Variants in SAMD12 observed in about 807,000 individuals in gnomAD.
The protein encoded by SAMD12 is sterile alpha motif domain-containing protein 12.
SAMD12 carries 9 observed loss-of-function variants against 15.0 expected under a neutral mutation model. That is an observed-to-expected ratio of 0.60 (90% CI 0.36 to 1.05). SAMD12 has a LOEUF of 1.05. Among genes scored for constraint, SAMD12 ranks in the 50% least tolerant of loss-of-function variants. The pLI, the probability that SAMD12 is intolerant of heterozygous loss-of-function variation, is 0.01. For missense variants in SAMD12, 230 were observed against 234.2 expected (o/e 0.98, Z 0.12); for synonymous variants, 86 against 90.1 (o/e 0.96, Z 0.25).
intron 4 of SAMD12, among the ~76,000 whole-genome samples, chr8:118,224,615 GA>G (rs1563703323): frequency 6.6e-6 from 1 of 151,624 alleles, no homozygotes; most frequent in African/African-American, 2.4e-5. Context: ...TTACAAAAAT[GA>G]AAAAAAGAAA....
chr8:118,206,673 A>G (rs1320960794), intron 4 of SAMD12, among the ~76,000 whole-genome samples: 2 of 152,220 alleles, frequency 1.3e-5, no homozygotes, highest in Non-Finnish European at 1.5e-5. Flanking sequence ...CTGTCTCTAG[A>G]TGAGTGTTTC....
intron 4 of SAMD12, among the ~76,000 whole-genome samples, chr8:118,287,291 AT>A (rs34937389): frequency 0.4 from 59,869 of 151,080 alleles, 14,982 homozygotes; most frequent in African/African-American, 0.71. Flanking sequence ...CGCCCGGCTA[AT>A]TTTTTTGTAT....
At chr8:118,352,668 G>A (rs1476834082) in intron 4 of SAMD12, among the ~76,000 whole-genome samples, 1 of 152,098 alleles carries the variant, frequency 6.6e-6, no homozygotes, top group East Asian at 1.9e-4. Flanking sequence ...AAATAATTGA[G>A]GCAATAAAAC....
At chr8:118,346,882 C>A (rs140849757) in intron 4 of SAMD12, among the ~76,000 whole-genome samples, 4 of 152,252 alleles carry the variant, frequency 2.6e-5, no homozygotes, top group African/African-American at 9.6e-5. Context: ...ATGAGGCAAG[C>A]TCATCAGAGA....
chr8:118,470,265 AAGG>A (rs1264230550), intron 2 of SAMD12, among the ~76,000 whole-genome samples: 227 of 151,818 alleles, frequency 1.5e-3, no homozygotes, highest in South Asian at 5.2e-3. Context: ...TTTAAAAAAA[AAGG>A]AGGTTTATGT....
chr8:118,266,834 G>A (rs539869706), intron 4 of SAMD12, among the ~76,000 whole-genome samples: 6 of 152,046 alleles, frequency 3.9e-5, no homozygotes, highest in Non-Finnish European at 7.4e-5. Context: ...CAGAGGCTAG[G>A]GGGTGGAGGG....
intron 2 of SAMD12, among the ~76,000 whole-genome samples, chr8:118,486,425 A>AGAG (rs1554672802): frequency 6.7e-6 from 1 of 149,276 alleles, no homozygotes; most frequent in African/African-American, 2.5e-5. Context: ...AAAAAAAAAA[A>AGAG]AGAGAGAGAG....
At chr8:118,170,590 T>C in the SAMD12 span, among the ~76,000 whole-genome samples, 1 of 152,140 alleles carries the variant, frequency 6.6e-6, no homozygotes, top group Non-Finnish European at 1.5e-5. Context: ...AAAAGGAGTC[T>C]TTTCAACAAA....
Position 118,580,721 on chromosome 8 carries a change from C to A in SAMD12, c.186G>T (p.Thr62=), listed in dbSNP as rs552596645. The A allele has an allele frequency of 3.1e-6, 5 of 1,611,724 alleles. No individual in the cohort carries two copies. Among genetic ancestry groups the A allele is most frequent in the Admixed American group, 1.7e-5 (1 of 59,884 alleles). The part of the protein sequence containing the change: ...TPKRLQAEAE[T]AKSATVKLSK... ...TAACTGGAATATTACGCACCTTAGCCGTCTCAGCTTCTGCCTGCAGTCGCT... is the reference window on the plus strand; with the variant it reads ...TAACTGGAATATTACGCACCTTAGCAGTCTCAGCTTCTGCCTGCAGTCGCT... Residue 62 remains threonine (T), a synonymous_variant, in exon 2 of 4, where the codon ACG becomes ACT. Coordinates refer to ENST00000314727, the MANE Select transcript of SAMD12 (RefSeq NM_207506.3).
intron 4 of SAMD12, among the ~76,000 whole-genome samples, chr8:118,349,728 C>G (rs1817860527): frequency 6.6e-6 from 1 of 152,180 alleles, no homozygotes; most frequent in Non-Finnish European, 1.5e-5. Flanking sequence ...CAACCTTTGT[C>G]TCTTTACCTA....
the SAMD12 span, among the ~76,000 whole-genome samples, chr8:118,151,551 G>A: frequency 2.6e-5 from 4 of 152,100 alleles, no homozygotes; most frequent in East Asian, 1.9e-4. Context: ...GTACCAGGCC[G>A]GGCGTGGTGG....
chr8:118,612,712 A>G (rs1828138473), intron 1 of SAMD12, among the ~76,000 whole-genome samples: 1 of 152,248 alleles, frequency 6.6e-6, no homozygotes, highest in Non-Finnish European at 1.5e-5. Flanking sequence ...TCCAACTCCT[A>G]GCTATTTACA....
At chr8:118,161,009 G>A in the SAMD12 span, among the ~76,000 whole-genome samples, 1 of 151,924 alleles carries the variant, frequency 6.6e-6, no homozygotes, top group African/African-American at 2.4e-5. Context: ...TGTTCTCATT[G>A]TTCAATTCCC....
At chr8:118,370,569 TGTG>T (rs1819038374) in intron 4 of SAMD12, among the ~76,000 whole-genome samples, 2 of 152,062 alleles carry the variant, frequency 1.3e-5, no homozygotes, top group Admixed American at 1.3e-4. Context: ...ATAAAGAAAA[TGTG>T]GTACATATAC....
At chr8:118,314,821 G>C (rs978927815) in intron 4 of SAMD12, among the ~76,000 whole-genome samples, 1 of 152,140 alleles carries the variant, frequency 6.6e-6, no homozygotes, top group Non-Finnish European at 1.5e-5. Flanking sequence ...CCCACTGAAG[G>C]ATATTGGATT....
intron 4 of SAMD12, among the ~76,000 whole-genome samples, chr8:118,310,898 G>T (rs1815595765): frequency 6.6e-6 from 1 of 152,190 alleles, no homozygotes; most frequent in South Asian, 2.1e-4. Flanking sequence ...TGAGGGCAGG[G>T]TCTGTATCTT....
At chr8:118,497,328 A>G (rs2131029825) in intron 2 of SAMD12, among the ~76,000 whole-genome samples, 1 of 152,362 alleles carries the variant, frequency 6.6e-6, no homozygotes, top group South Asian at 2.1e-4. Context: ...CTAGATGCCA[A>G]TCAACGGTGG....
At chr8:118,328,777 A>C (rs1013758724) in intron 4 of SAMD12, among the ~76,000 whole-genome samples, 11 of 152,192 alleles carry the variant, frequency 7.2e-5, no homozygotes, top group African/African-American at 2.7e-4. Context: ...TGGTATGCAC[A>C]CAGTGCTGCT....
At chr8:118,402,969 A>T (rs975628117) in intron 3 of SAMD12, among the ~76,000 whole-genome samples, 3 of 152,366 alleles carry the variant, frequency 2.0e-5, no homozygotes, top group African/African-American at 7.2e-5. Context: ...CAGAATACAT[A>T]GTGAAGTTGG....
Sources: allele counts gnomAD v4.1 joint callset (sites outside exome capture counted in the v4.1 genomes callset), GRCh38; gene constraint gnomAD v4.1.1; transcripts MANE v1.5; gene names NCBI Gene and HGNC (gene_info 2026-07-23, HGNC 2026-07-21).